The following CALD1 variants were observed in gnomAD, a reference collection of about 807,000 sequenced individuals.
CALD1 encodes the protein caldesmon.
CALD1 carries 33 observed loss-of-function variants against 99.9 expected under a neutral mutation model. The ratio of observed to expected loss-of-function variants is 0.33; its 90% CI spans 0.25 to 0.44. The LOEUF is 0.44. CALD1 is among the 20% of genes least tolerant of loss of function. The probability of loss-of-function intolerance (pLI) is 1.00; values close to 1 mark genes in which losing one functional copy is unlikely to be tolerated. For missense variants in CALD1, 861 were observed against 962.1 expected (o/e 0.89, Z 1.39); for synonymous variants, 310 against 325.0 (o/e 0.95, Z 0.50).
intron 3 of CALD1, among the ~76,000 whole-genome samples, chr7:134,898,533 T>C (rs1802742979): frequency 6.6e-6 from 1 of 152,128 alleles, no homozygotes; most frequent in Non-Finnish European, 1.5e-5. Context: ...CAAGTTATCC[T>C]GGTCCCTCTT....
At chr7:134,960,263 G>C (rs1370712502) in intron 12 of CALD1, 152 bp downstream of exon 12, 1 of 893,836 alleles carries the variant, frequency 1.1e-6, no homozygotes, top group Non-Finnish European at 1.7e-6. Flanking sequence ...CAAGCTCAGA[G>C]AGAATGTGTT....
At chr7:134,788,452 C>A (rs192967223) in intron 1 of CALD1, among the ~76,000 whole-genome samples, 1 of 152,212 alleles carries the variant, frequency 6.6e-6, no homozygotes, top group Non-Finnish European at 1.5e-5. Context: ...ACTAGCACAT[C>A]ACTGACCCTA....
intron 1 of CALD1, among the ~76,000 whole-genome samples, chr7:134,784,090 C>A (rs530939137): frequency 1.6e-4 from 25 of 152,180 alleles, no homozygotes; most frequent in Admixed American, 6.5e-4. Context: ...GTATATCGGG[C>A]ACTCATTTTA....
chr7:134,867,358 C>G (rs1800847630), intron 2 of CALD1, among the ~76,000 whole-genome samples: 1 of 152,066 alleles, frequency 6.6e-6, no homozygotes, highest in African/African-American at 2.4e-5. Flanking sequence ...TAACTTTGGT[C>G]TGGGGTTCAG....
At chr7:134,729,440 C>T in the CALD1 span, among the ~76,000 whole-genome samples, 2 of 152,232 alleles carry the variant, frequency 1.3e-5, no homozygotes, top group African/African-American at 4.8e-5. Flanking sequence ...CTGCCTCTCA[C>T]CTCGGATAGT....
chr7:134,807,370 A>G (rs1410741916), intron 1 of CALD1, among the ~76,000 whole-genome samples: 5 of 152,152 alleles, frequency 3.3e-5, no homozygotes, highest in Admixed American at 1.3e-4. Flanking sequence ...TTTCCCTATC[A>G]GTACTGTTCT....
chr7:134,766,141 CT>C (rs71172475), intron 1 of CALD1, among the ~76,000 whole-genome samples: 394 of 70,806 alleles, frequency 5.6e-3, no homozygotes, highest in African/African-American at 7.4e-3. Context: ...CTTTTCTTTT[CT>C]TTTTTTTTTT....
Position 134,789,031 on chromosome 7 carries a change from T to TAAA in CALD1, c.-130+9300_-130+9302dup, listed in dbSNP as rs35315682. On this transcript the variant is annotated intron_variant, in intron 1 of 14. Transcript: ENST00000361675. ...CCCTGTCTCAGAAAAAAACAAAAAG[T>TAAA]AAAAAAAAAAAAAAAAAAAAGTCTA... is the stretch of plus-strand genomic sequence containing the variant. 5.2e-3 allele frequency among the ~76,000 whole-genome samples: 608 copies of TAAA among 116,750 alleles called. 10 individuals are homozygous for TAAA. Among genetic ancestry groups the TAAA allele is most frequent in the African/African-American group, 0.017 (513 of 29,954 alleles). 76.6% of individuals were successfully genotyped at this position (116,750 alleles called of 152,430 possible). A position where few individuals can be genotyped will look rare whatever the true frequency, so the allele number is the denominator to read the frequency against.
chr7:134,830,681 C>T (rs1010720484), intron 1 of CALD1, among the ~76,000 whole-genome samples: 18 of 152,060 alleles, frequency 1.2e-4, no homozygotes, highest in Non-Finnish European at 2.6e-4. Flanking sequence ...TCTGTTCCTG[C>T]GTTAGTTTGC....
At chr7:134,777,586 G>A (rs192800654), upstream of CALD1, among the ~76,000 whole-genome samples, 2 of 152,252 alleles carry the variant, frequency 1.3e-5, no homozygotes, top group East Asian at 1.9e-4. Flanking sequence ...CCACCAAAGG[G>A]CATTATTTAT....
chr7:134,731,123 G>A, the CALD1 span, among the ~76,000 whole-genome samples: 414 of 152,142 alleles, frequency 2.7e-3, 3 homozygotes, highest in African/African-American at 9.3e-3. Context: ...ATCTCCTCCT[G>A]CCTGCCTTGA....
chr7:134,841,374 G>C (rs894436940), intron 1 of CALD1, among the ~76,000 whole-genome samples: 1 of 152,052 alleles, frequency 6.6e-6, no homozygotes, highest in Admixed American at 6.6e-5. Context: ...AAAACCCATC[G>C]ATCTATTTTT....
the CALD1 span, among the ~76,000 whole-genome samples, chr7:134,738,689 G>A: frequency 8.5e-5 from 13 of 152,110 alleles, no homozygotes; most frequent in East Asian, 3.9e-4. Flanking sequence ...CCAGCATCGC[G>A]GCATGTCAAG....
rs186116240 is a variant in CALD1, at chr7:134,958,943, G to C, written c.2061+653G>C. On this transcript the variant is annotated intron_variant, in intron 11 of 14. Transcript: ENST00000361675. Reference sequence around the variant, plus strand: ...TATATATATTTAAGTCTTCTTTCAAGTATTCTGTCAAATCTGGGTTTAAAT... The same window carrying C: ...TATATATATTTAAGTCTTCTTTCAACTATTCTGTCAAATCTGGGTTTAAAT... 1.1e-3 allele frequency among the ~76,000 whole-genome samples: 150 copies of C among 138,764 alleles called. 1 individual carries two copies. Among genetic ancestry groups the C allele is most frequent in the African/African-American group, 3.8e-3 (143 of 37,208 alleles). The allele number at this position is 138,764 out of a possible 152,430, so 91.0% of individuals were successfully genotyped here. A position where few individuals can be genotyped will look rare whatever the true frequency, so the allele number is the denominator to read the frequency against.
At chr7:134,748,941 A>C (rs1796660550) in intron 1 of CALD1, among the ~76,000 whole-genome samples, 1 of 151,914 alleles carries the variant, frequency 6.6e-6, no homozygotes, top group Non-Finnish European at 1.5e-5. Context: ...GGAGACCCCC[A>C]CCCCTTTCAC....
At chr7:134,796,127 A>G (rs1427483536) in intron 1 of CALD1, among the ~76,000 whole-genome samples, 1 of 152,170 alleles carries the variant, frequency 6.6e-6, no homozygotes, top group Admixed American at 6.5e-5. Context: ...TAAGTTTTTA[A>G]AGTCTTGGCT....
the CALD1 span, among the ~76,000 whole-genome samples, chr7:134,721,342 A>AG: frequency 1.3e-5 from 2 of 151,850 alleles, no homozygotes; most frequent in African/African-American, 4.8e-5. Context: ...AAAAAAAAAA[A>AG]AAAAGGATGG....
At position 134,933,177 on chromosome 7, in the gene CALD1, A is replaced by C. The variant is rs746446312; in HGVS notation, c.408A>C (p.Arg136Ser). The C allele has an allele frequency of 2.3e-5, 37 of 1,613,132 alleles. No individual in the cohort carries two copies. The highest frequency in any genetic ancestry group is 3.1e-5 in the Non-Finnish European group (36 of 1,179,848). The part of the protein sequence containing the change: ...TDASLSLPSR[R>S]MQNDTAENET... ...CAAGTCTGTCGCTCCCAAGCAGAAG[A>C]ATGCAAAATGACACAGCAGAAAATG... Residue 136 changes from arginine (R) to serine (S), a missense_variant, in exon 5 of 15, where the codon AGA becomes AGC. This residue lies in a region of CALD1 where 234 missense variants were observed against 233.1 expected (regional missense o/e 1.00). Coordinates refer to ENST00000361675, the MANE Select transcript of CALD1 (RefSeq NM_033138.4).
intron 1 of CALD1, among the ~76,000 whole-genome samples, chr7:134,802,592 T>G (rs912945058): frequency 3.3e-5 from 5 of 152,202 alleles, no homozygotes; most frequent in African/African-American, 1.2e-4. Flanking sequence ...TATTTTAAGT[T>G]GAAAATGCAT....
Sources: gnomAD v4.1 joint callset for allele counts (sites outside exome capture counted in the v4.1 genomes callset) on GRCh38, gnomAD v4.1.1 for gene constraint, gnomAD v4.1.1 regional missense constraint, MANE v1.5 for transcripts, NCBI Gene and HGNC (gene_info 2026-07-23, HGNC 2026-07-21) for gene names.